The following ARMC6 variants were observed in gnomAD, a reference collection of about 807,000 sequenced individuals.
ARMC6 encodes the protein armadillo repeat-containing protein 6.
In ARMC6, 43 loss-of-function variants were observed where a neutral mutation model predicts 49.2. That is an observed-to-expected ratio of 0.87 (90% CI 0.69 to 1.13). The LOEUF (loss-of-function observed/expected upper bound fraction) is 1.13. Among genes scored for constraint, ARMC6 ranks in the 50% most tolerant of loss-of-function variants. The pLI is 0.00. For synonymous variants in ARMC6, 262 were observed against 289.6 expected, an observed-to-expected ratio of 0.90 and a Z score of 0.97; for missense variants, 627 against 682.0, an observed-to-expected ratio of 0.92 and a Z score of 0.90.
intron 2 of ARMC6, among the ~76,000 whole-genome samples, chr19:19,040,213 TTGA>T (rs2059400571): frequency 6.6e-6 from 1 of 152,170 alleles, no homozygotes; most frequent in African/African-American, 2.4e-5. Flanking sequence ...CTGGTTTCTC[TTGA>T]TGATGTGAGA....
At position 19,051,772 on chromosome 19, in the gene ARMC6, T is replaced by G; in HGVS notation, c.430T>G (p.Trp144Gly). Residue 144 changes from tryptophan (W) to glycine (G), a missense_variant, in exon 5 of 9, where the codon TGG (tryptophan) becomes GGG (glycine). By Grantham distance (184) the Trp-to-Gly change is radical. Transcript: ENST00000535612. The stretch of plus-strand genomic sequence containing the variant: ...GGCCTACCCCATCATCTTCACTGCC[T>G]GGAAGCTGGCCACTGCAGGTGACCA... Reference protein sequence around the residue: ...KGAYPIIFTAWKLATAGDQGL... With the variant: ...KGAYPIIFTAGKLATAGDQGL... 6.2e-7 allele frequency: 1 copy of G among 1,614,056 alleles called. No individual in the cohort carries two copies. The highest frequency in any genetic ancestry group is 8.5e-7 in the Non-Finnish European group (1 of 1,180,032).
chr19:19,043,981 A>G lies in ARMC6; in HGVS notation c.197-11A>G. Reference sequence around the variant, plus strand: ...TGACCCCTGTGTGCTTGCTTCCCCCACCCCCAACAGGGGTTGATCTGAGCA... The same window carrying G: ...TGACCCCTGTGTGCTTGCTTCCCCCGCCCCCAACAGGGGTTGATCTGAGCA... On this transcript the variant is annotated splice_polypyrimidine_tract_variant and intron_variant, in intron 3 of 8. Transcript: ENST00000535612. The G allele has an allele frequency of 6.2e-7, 1 of 1,613,090 alleles. No individual in the cohort carries two copies. The highest frequency in any genetic ancestry group is 8.5e-7 in the Non-Finnish European group (1 of 1,179,474).
chr19:19,055,495 G>A lies in ARMC6; in HGVS notation c.1155+99G>A, dbSNP rs2059536639. 2 of 1,475,714 alleles carry A rather than the reference G, an allele frequency of 1.4e-6. No homozygotes were observed. The highest frequency in any genetic ancestry group is 2.8e-5 in the African/African-American group (2 of 70,930). The allele number at this position is 1,475,714 out of a possible 1,614,324, so 91.4% of individuals were successfully genotyped here. On this transcript the variant is annotated intron_variant, in intron 7 of 8. Transcript: ENST00000535612. The surrounding 1 kb of genome is among the most constrained non-coding windows in gnomAD (Gnocchi z 5.7). ...AAGCTCTATTCCCCTGCAGGGCCAGGGCAGGGCTGGTGAGGGTCGTGGGCA... is the reference window on the plus strand; with the variant it reads ...AAGCTCTATTCCCCTGCAGGGCCAGAGCAGGGCTGGTGAGGGTCGTGGGCA...
Position 19,042,733 on chromosome 19 carries a change from A to G in ARMC6, c.52A>G (p.Thr18Ala). The G allele has an allele frequency of 6.2e-6, 10 of 1,613,242 alleles. No individual in the cohort carries two copies. Among genetic ancestry groups the G allele is most frequent in the Non-Finnish European group, 8.5e-6 (10 of 1,180,016 alleles). ...CAGCTCAGGAGCATCTATCGGCTGCACGCCAACATCAACACAGGCGAAGAT... is the reference window on the plus strand; with the variant it reads ...CAGCTCAGGAGCATCTATCGGCTGCGCGCCAACATCAACACAGGCGAAGAT... ...RYSSGASIGC[T>A]PTSTQAKMVS... The change falls in exon 3 of 9, where the codon ACG (threonine) becomes GCG (alanine). Residue 18 changes from threonine to alanine, a missense_variant. Coordinates refer to ENST00000535612, the MANE Select transcript of ARMC6 (RefSeq NM_001199196.2).
chr19:19,054,171 C>T lies in ARMC6; in HGVS notation c.873C>T (p.Gly291=). The change falls in exon 6 of 9, where the codon GGC becomes GGT. Residue 291 remains glycine (G), a synonymous_variant. Transcript: ENST00000535612. ...CTGCAGCGTTCCTGGATAACCCTGG[C>T]ATCCTGAGCGAGCTCTGTGGAACCC... The part of the protein sequence containing the change: ...EATKAFLDNP[G]ILSELCGTLS... 6.3e-7 allele frequency: 1 copy of T among 1,593,204 alleles called. No homozygotes were observed. Among genetic ancestry groups the T allele is most frequent in the Non-Finnish European group, 8.5e-7 (1 of 1,169,772 alleles).
chr19:19,040,436 A>T (rs886388704), intron 2 of ARMC6, among the ~76,000 whole-genome samples: 9 of 152,004 alleles, frequency 5.9e-5, no homozygotes, highest in African/African-American at 2.2e-4. Flanking sequence ...GTTTTTTTTA[A>T]AAAAATTGTT....
intron 2 of ARMC6, among the ~76,000 whole-genome samples, chr19:19,041,052 T>C (rs78356791): frequency 5.3e-4 from 81 of 152,192 alleles, no homozygotes; most frequent in African/African-American, 1.9e-3. Flanking sequence ...CAGGCTAGTG[T>C]TGAACTCCTG....
At chr19:19,048,854 A>G (rs1300695781) in intron 4 of ARMC6, among the ~76,000 whole-genome samples, 1 of 152,120 alleles carries the variant, frequency 6.6e-6, no homozygotes, top group Admixed American at 6.6e-5. Context: ...TTCTTTCCAT[A>G]CTGTATTAGT....
In ARMC6 at chr19:19,051,846, A is replaced by G. The variant is rs372376357; in HGVS notation, c.504A>G (p.Gly168=). The change falls in exon 5 of 9, where the codon GGA becomes GGG. Residue 168 remains glycine, a synonymous_variant. Coordinates refer to ENST00000535612, the MANE Select transcript of ARMC6 (RefSeq NM_001199196.2). ...ATGCCCTGTCGGTGCTGACTGATGG[A>G]CAGCCAGACCTCCTGGATGCCCAGG... ...SLNALSVLTD[G]QPDLLDAQGL... 1.2e-6 allele frequency: 2 copies of G among 1,613,958 alleles called. No homozygotes were observed. The highest frequency in any genetic ancestry group is 2.7e-5 in the African/African-American group (2 of 74,936).
chr19:19,049,433 T>C (rs952882787), intron 4 of ARMC6, among the ~76,000 whole-genome samples: 2 of 152,360 alleles, frequency 1.3e-5, no homozygotes, highest in East Asian at 3.9e-4. Context: ...ACTCCAATAC[T>C]GTGCATCCTC....
Position 19,033,850 on chromosome 19 carries a change from C to T in ARMC6, c.-160C>T. On this transcript the variant is annotated 5_prime_UTR_variant, in exon 1 of 9. The change creates a new upstream start codon in the 5' untranslated region. Transcript: ENST00000535612. ...GGGCGCCACAGCGCCTGCGCGCGTA[C>T]GGCGGCCGGAAGGGGCTAGAGGCGG... 1 of 276,550 alleles carries T rather than the reference C, an allele frequency of 3.6e-6. No homozygotes were observed. 17.1% of individuals were successfully genotyped at this position (276,550 alleles called of 1,614,324 possible). A position where few individuals can be genotyped will look rare whatever the true frequency, so the allele number is the denominator to read the frequency against.
In ARMC6 at chr19:19,051,664, C is replaced by G; in HGVS notation, c.322C>G (p.Gln108Glu). 1 of 1,612,412 alleles carries G rather than the reference C, an allele frequency of 6.2e-7. No individual in the cohort carries two copies. Among genetic ancestry groups the G allele is most frequent in the Non-Finnish European group, 8.5e-7 (1 of 1,179,192 alleles). Residue 108 changes from glutamine (Q) to glutamate (E), a missense_variant, in exon 5 of 9, where the codon CAG becomes GAG. Coordinates refer to ENST00000535612, the MANE Select transcript of ARMC6 (RefSeq NM_001199196.2). ...GGAGTCTGTGGCCAGCTCTCGCCCCCAGGAGGTGTCAGCATACCTCACCCG... is the reference window on the plus strand; with the variant it reads ...GGAGTCTGTGGCCAGCTCTCGCCCCGAGGAGGTGTCAGCATACCTCACCCG... Reference protein sequence around the residue: ...LQESVASSRPQEVSAYLTRFC... With the variant: ...LQESVASSRPEEVSAYLTRFC...
Position 19,033,703 on chromosome 19 carries a change from T to G in ARMC6, c.-307T>G. 3.7e-6 allele frequency: 1 copy of G among 271,532 alleles called. No individual in the cohort carries two copies. 16.8% of individuals were successfully genotyped at this position (271,532 alleles called of 1,614,324 possible). ...CTGGGGGCGGCGACCACCGTGAGCG[T>G]CCCGGAAGGGGCGGCAAAGACGCCT... On this transcript the variant is annotated 5_prime_UTR_variant, in exon 1 of 9. Transcript: ENST00000535612.
At chr19:19,051,383 G>C (rs941014460) in intron 4 of ARMC6, among the ~76,000 whole-genome samples, 11 of 129,696 alleles carry the variant, frequency 8.5e-5, no homozygotes, top group Admixed American at 1.5e-4. Flanking sequence ...CTCTGTGTGT[G>C]TGTGTGTGTG....
chr19:19,039,967 A>G (rs1015052162), intron 2 of ARMC6, among the ~76,000 whole-genome samples: 2 of 152,186 alleles, frequency 1.3e-5, no homozygotes, highest in Admixed American at 6.6e-5. Context: ...ACACATGGCT[A>G]TTTACATTAA....
In ARMC6 at chr19:19,057,450, C is replaced by G; in HGVS notation, c.1328C>G (p.Ala443Gly). The part of the protein sequence containing the change: ...QACMLIRNLV[A>G]HGQAFSKPIL... ...TGCATGCTGATCCGAAACCTGGTGG[C>G]CCACGGCCAGGCCTTCTCGAAGCCC... The change falls in exon 9 of 9, where the codon GCC becomes GGC. Residue 443 changes from alanine to glycine, a missense_variant. Ala to Gly is a moderately conservative substitution (Grantham distance 60, BLOSUM62 0). Transcript: ENST00000535612. The G allele has an allele frequency of 6.2e-7, 1 of 1,613,756 alleles. No individual in the cohort carries two copies. Among genetic ancestry groups the G allele is most frequent in the East Asian group, 2.2e-5 (1 of 44,880 alleles).
intron 6 of ARMC6, among the ~76,000 whole-genome samples, 172 bp downstream of exon 6, chr19:19,054,493 T>A (rs895895865): frequency 6.6e-6 from 1 of 152,180 alleles, no homozygotes; most frequent in Non-Finnish European, 1.5e-5. Flanking sequence ...CAAACCCACC[T>A]GCTCTCCCTT....
Position 19,033,609 on chromosome 19 carries a change from C to T in ARMC6, c.-401C>T. Reference sequence around the variant, plus strand: ...TGCGCAGGCGCGGGCCGCCGCGGCCCGGCTCTCTTGCGCAAGCGCGCTGTC... The same window carrying T: ...TGCGCAGGCGCGGGCCGCCGCGGCCTGGCTCTCTTGCGCAAGCGCGCTGTC... On this transcript the variant is annotated 5_prime_UTR_variant, in exon 1 of 9. Transcript: ENST00000535612. 1 of 1,178,914 alleles carries T rather than the reference C, an allele frequency of 8.5e-7. No homozygotes were observed. Among genetic ancestry groups the T allele is most frequent in the South Asian group, 4.1e-5 (1 of 24,104 alleles). The allele number at this position is 1,178,914 out of a possible 1,614,324, so 73.0% of individuals were successfully genotyped here.
At chr19:19,057,255 G>A (rs997189712) in intron 8 of ARMC6, among the ~76,000 whole-genome samples, 161 bp from the exon 9 acceptor site, 1 of 152,232 alleles carries the variant, frequency 6.6e-6, no homozygotes, top group Non-Finnish European at 1.5e-5. Flanking sequence ...TGCCAAGAGG[G>A]TAAAGTAGAG....
Sources: gnomAD v4.1 joint callset for allele counts (sites outside exome capture counted in the v4.1 genomes callset) on GRCh38, gnomAD v4.1.1 for gene constraint, Gnocchi (gnomAD v3.1) non-coding constraint, MANE v1.5 for transcripts, NCBI Gene and HGNC (gene_info 2026-07-23, HGNC 2026-07-21) for gene names.